Variants in DMGDH observed in about 807,000 individuals in gnomAD.
DMGDH encodes the protein dimethylglycine dehydrogenase, mitochondrial.
DMGDH carries 76 observed loss-of-function variants against 95.2 expected under a neutral mutation model. That is an observed-to-expected ratio of 0.80 (90% CI 0.66 to 0.97). The LOEUF (loss-of-function observed/expected upper bound fraction) is 0.97, where lower values mean the gene tolerates loss of function less well. Ranked by LOEUF, DMGDH falls within the 50% of genes least tolerant of loss-of-function variation. The pLI is 0.00. For missense variants in DMGDH, 987 were observed against 1,055.0 expected (o/e 0.94, Z 0.89); for synonymous variants, 345 against 377.6 (o/e 0.91, Z 1.00).
At chr5:79,017,764 T>G (rs770016316) in intron 14 of DMGDH, among the ~76,000 whole-genome samples, 1 of 152,254 alleles carries the variant, frequency 6.6e-6, no homozygotes. Context: ...GATCCACTTA[T>G]ATGTGCATTT....
At chr5:79,000,508 C>T in intron 15 of DMGDH, 1 of 601,134 alleles carries the variant, frequency 1.7e-6, no homozygotes, top group Non-Finnish European at 3.2e-6. Context: ...AACAGAAATG[C>T]CATGATCAAT....
intron 1 of DMGDH, among the ~76,000 whole-genome samples, chr5:79,068,560 C>T (rs555512495): frequency 3.0e-4 from 45 of 152,282 alleles, no homozygotes; most frequent in Non-Finnish European, 4.9e-4. Flanking sequence ...CACATCACAA[C>T]ACCCAGTAAA....
rs1405026488 is a variant in DMGDH at position 79,028,509 on chromosome 5, A to G, written c.1956T>C (p.Asp652=). 1 of 1,614,056 alleles carries G rather than the reference A, an allele frequency of 6.2e-7. No individual in the cohort carries two copies. Among genetic ancestry groups the G allele is most frequent in the Non-Finnish European group, 8.5e-7 (1 of 1,180,030 alleles). ...ACTTGGTTTGAAGAAACTTGAAAAC[A>G]TCATCACTAAGATCTTCAGAGGTCA... ...QKLTSEDLSD[D]VFKFLQTKSL... The change falls in exon 12 of 16, where the codon GAT becomes GAC. Residue 652 remains aspartate (D), a synonymous_variant. Coordinates refer to ENST00000255189, the MANE Select transcript of DMGDH (RefSeq NM_013391.3).
At chr5:79,019,739 A>G (rs1184960587) in intron 14 of DMGDH, among the ~76,000 whole-genome samples, 1 of 151,998 alleles carries the variant, frequency 6.6e-6, no homozygotes, top group Non-Finnish European at 1.5e-5. Flanking sequence ...ACAAAAATCA[A>G]CTGGGCATGG....
In DMGDH at chr5:79,035,165, A is replaced by G. The variant is rs540275494; in HGVS notation, c.1194-1757T>C. Among the ~76,000 whole-genome samples the G allele has an allele frequency of 9.6e-4, 146 of 152,264 alleles. 1 individual carries two copies. Among genetic ancestry groups the G allele is most frequent in the Admixed American group, 1.5e-3 (23 of 15,290 alleles). On this transcript the variant is annotated intron_variant, in intron 7 of 15. Transcript: ENST00000255189. ...TGGGGCATCCAAGTTATCCACAAAC[A>G]ACCTCTCTAAATTTTAAGAAAGCAA...
intron 8 of DMGDH, 46 bp downstream of exon 8, chr5:79,033,193 T>G (rs1489518586): frequency 6.2e-7 from 1 of 1,611,124 alleles, no homozygotes; most frequent in Non-Finnish European, 8.5e-7. Flanking sequence ...ATGCTACAAT[T>G]CAATTCCGTC....
At chr5:79,023,937 C>A (rs1056557308) in intron 14 of DMGDH, among the ~76,000 whole-genome samples, 6 of 152,166 alleles carry the variant, frequency 3.9e-5, no homozygotes, top group Non-Finnish European at 7.3e-5. Flanking sequence ...GGAGTTACTG[C>A]AAAATACACA....
intron 14 of DMGDH, among the ~76,000 whole-genome samples, chr5:79,007,551 G>A (rs1310915160): frequency 2.0e-5 from 3 of 152,062 alleles, no homozygotes; most frequent in African/African-American, 7.2e-5. Context: ...TGATGACAAG[G>A]GGTGCTTTTC....
intron 4 of DMGDH, among the ~76,000 whole-genome samples, 154 bp downstream of exon 4, chr5:79,054,030 T>C (rs1404564571): frequency 1.3e-5 from 2 of 152,224 alleles, no homozygotes; most frequent in African/African-American, 4.8e-5. Flanking sequence ...TAACAGCCTA[T>C]CTTGTAAGTT....
At chr5:79,041,561 A>G (rs1174208389) in intron 7 of DMGDH, among the ~76,000 whole-genome samples, 1 of 152,242 alleles carries the variant, frequency 6.6e-6, no homozygotes, top group Non-Finnish European at 1.5e-5. Context: ...CAGACATGTT[A>G]TACATTTGAT....
At chr5:79,046,493 TC>T (rs962097693) in intron 5 of DMGDH, among the ~76,000 whole-genome samples, 4 of 152,088 alleles carry the variant, frequency 2.6e-5, no homozygotes, top group African/African-American at 9.7e-5. Context: ...GCTCAGGTGA[TC>T]CTCTCATCTC....
intron 3 of DMGDH, 132 bp downstream of exon 3, chr5:79,055,678 C>G: frequency 2.9e-6 from 2 of 696,890 alleles, no homozygotes; most frequent in South Asian, 1.6e-5. Context: ...TTACCTTAAA[C>G]TCTCATCATA....
chr5:79,050,111 G>GC (rs1754795814), intron 5 of DMGDH, among the ~76,000 whole-genome samples: 1 of 151,394 alleles, frequency 6.6e-6, no homozygotes, highest in African/African-American at 2.4e-5. Context: ...ACAAAAATTA[G>GC]CCGGGTGTGG....
rs757116150 is a variant in DMGDH at position 79,030,938 on chromosome 5, CA to C, written c.1577del (p.Met526SerfsTer4). 5 of 1,614,144 alleles carry C rather than the reference CA, an allele frequency of 3.1e-6. No individual in the cohort carries two copies. The highest frequency in any genetic ancestry group is 1.7e-5 in the Admixed American group (1 of 60,016). On this transcript the variant is annotated frameshift_variant, in exon 10 of 16. Transcript: ENST00000255189. LOFTEE classifies it high-confidence loss of function. The stretch of plus-strand genomic sequence containing the variant: ...ATAGGTCAGTTACCGCTACTCTTTG[CA>C]TAACCTGTTTATACTCCGAGCCCAC... The part of the protein sequence containing the change: ...EPVGSEYKQV[M>X]QRVAVTDLSP...
chr5:79,055,280 G>T (rs1754994066), intron 3 of DMGDH, among the ~76,000 whole-genome samples: 1 of 152,240 alleles, frequency 6.6e-6, no homozygotes, highest in Non-Finnish European at 1.5e-5. Flanking sequence ...TTGTCTGGTA[G>T]ACTGTGGGGA....
At chr5:79,009,360 C>CTTTTTTTTTTTT (rs372464439) in intron 14 of DMGDH, among the ~76,000 whole-genome samples, 14 of 107,742 alleles carry the variant, frequency 1.3e-4, no homozygotes, top group East Asian at 4.7e-4. Context: ...CTTTTCTTTT[C>CTTTTTTTTTTTT]TTTTCTTTTT....
At chr5:79,021,016 A>G (rs931401545) in intron 14 of DMGDH, 45 of 985,314 alleles carry the variant, frequency 4.6e-5, no homozygotes, top group African/African-American at 5.2e-5. Flanking sequence ...AAGGCTACTG[A>G]TTTTCCTCCC....
chr5:79,031,086 C>A, intron 9 of DMGDH, 88 bp from the exon 10 acceptor site: 6 of 1,443,512 alleles, frequency 4.2e-6, no homozygotes, highest in Non-Finnish European at 5.7e-6. Flanking sequence ...CCCTACTCAT[C>A]TAGAAAATCC....
At chr5:78,998,705 C>G (rs932821674) in intron 15 of DMGDH, among the ~76,000 whole-genome samples, 5 of 152,080 alleles carry the variant, frequency 3.3e-5, no homozygotes, top group Admixed American at 1.3e-4. Flanking sequence ...CAAAAATTAG[C>G]TGGGCATGAT....
Sources: gnomAD v4.1 joint callset for allele counts (sites outside exome capture counted in the v4.1 genomes callset) on GRCh38, gnomAD v4.1.1 for gene constraint, MANE v1.5 for transcripts, NCBI Gene and HGNC (gene_info 2026-07-23, HGNC 2026-07-21) for gene names.